The following KAZN variants were observed in gnomAD, a reference collection of about 807,000 sequenced individuals.
KAZN encodes the protein kazrin.
In KAZN, 40 loss-of-function variants were observed where a neutral mutation model predicts 87.4. The ratio of observed to expected loss-of-function variants is 0.46; its 90% confidence interval spans 0.36 to 0.60. The LOEUF is 0.60. KAZN is among the 20% of genes least tolerant of loss of function. KAZN has a pLI of 0.00. For missense variants in KAZN, 898 were observed against 1,073.9 expected, an observed-to-expected ratio of 0.84 and a Z score of 2.29; for synonymous variants, 466 against 458.3, an observed-to-expected ratio of 1.02 and a Z score of -0.22.
chr1:14,089,330 C>T (rs527873760), intron 1 of KAZN, among the ~76,000 whole-genome samples: 21 of 152,104 alleles, frequency 1.4e-4, no homozygotes, highest in African/African-American at 4.8e-4. Context: ...TACTGTTCTG[C>T]TATTCATTTC....
intron 1 of KAZN, among the ~76,000 whole-genome samples, chr1:14,914,888 G>A (rs1237325849): frequency 2.3e-5 from 2 of 86,020 alleles, no homozygotes; most frequent in African/African-American, 3.4e-5. Context: ...GTACTTCTGG[G>A]GATGAAAATG....
At chr1:14,342,795 C>T (rs940697274) in intron 2 of KAZN, among the ~76,000 whole-genome samples, 1 of 152,184 alleles carries the variant, frequency 6.6e-6, no homozygotes, top group Non-Finnish European at 1.5e-5. Flanking sequence ...TCTGAGGGAG[C>T]TGCACTTGTC....
chr1:13,906,263 C>T (rs1639432195), intron 1 of KAZN, among the ~76,000 whole-genome samples: 1 of 152,130 alleles, frequency 6.6e-6, no homozygotes, highest in South Asian at 2.1e-4. Context: ...TCTAAGGATG[C>T]CTATTGTATT....
intron 1 of KAZN, among the ~76,000 whole-genome samples, chr1:14,644,457 GT>G (rs1402511384): frequency 6.6e-6 from 1 of 151,074 alleles, no homozygotes; most frequent in Non-Finnish European, 1.5e-5. Context: ...CGCCTACCAG[GT>G]TCACGCCATG....
chr1:14,530,621 CCT>C (rs141114968), intron 2 of KAZN, among the ~76,000 whole-genome samples: 16 of 150,180 alleles, frequency 1.1e-4, no homozygotes, highest in Non-Finnish European at 1.0e-4. Flanking sequence ...GGCACCTCCT[CCT>C]CTCTCTCTCT....
intron 1 of KAZN, among the ~76,000 whole-genome samples, chr1:14,826,872 C>A (rs764388732): frequency 6.6e-6 from 1 of 152,150 alleles, no homozygotes; most frequent in Non-Finnish European, 1.5e-5. Flanking sequence ...GTTGGTGCAG[C>A]GAAAAGAATG....
chr1:13,973,903 C>A (rs1197657882), intron 1 of KAZN, among the ~76,000 whole-genome samples: 1 of 152,192 alleles, frequency 6.6e-6, no homozygotes, highest in African/African-American at 2.4e-5. Flanking sequence ...CCACGACCAC[C>A]CACAGGTCTG....
At chr1:14,626,410 A>C (rs1679142368) in intron 1 of KAZN, among the ~76,000 whole-genome samples, 1 of 152,236 alleles carries the variant, frequency 6.6e-6, no homozygotes, top group Admixed American at 6.5e-5. Flanking sequence ...CATTGTGTGC[A>C]CAGATTCTTA....
intron 1 of KAZN, among the ~76,000 whole-genome samples, chr1:13,929,615 A>G (rs976137855): frequency 6.6e-6 from 1 of 152,210 alleles, no homozygotes; most frequent in Non-Finnish European, 1.5e-5. Flanking sequence ...CTCATGGTTA[A>G]TAAAGGGATC....
intron 2 of KAZN, among the ~76,000 whole-genome samples, chr1:14,962,856 A>G (rs966171841): frequency 3.9e-5 from 6 of 152,056 alleles, no homozygotes; most frequent in Non-Finnish European, 1.5e-5. Context: ...CGGCGGCGGG[A>G]GTTAAGCAGA....
chr1:14,228,709 C>T (rs1647522632), intron 2 of KAZN, among the ~76,000 whole-genome samples: 2 of 152,192 alleles, frequency 1.3e-5, no homozygotes, highest in Non-Finnish European at 2.9e-5. Context: ...AGAATAAAGG[C>T]AAAGACAGTT....
At chr1:14,596,302 G>A (rs937945273), upstream of KAZN, among the ~76,000 whole-genome samples, 1 of 81,092 alleles carries the variant, frequency 1.2e-5, no homozygotes, top group Admixed American at 1.2e-4. Flanking sequence ...GCACGCACAC[G>A]TGTGCGCACA....
chr1:14,502,442 A>C (rs1460468630), intron 2 of KAZN, among the ~76,000 whole-genome samples: 1 of 152,138 alleles, frequency 6.6e-6, no homozygotes, highest in Non-Finnish European at 1.5e-5. Context: ...ATTTAGAATT[A>C]AATTCTCAAT....
chr1:13,935,157 A>C (rs1640673757), intron 1 of KAZN, among the ~76,000 whole-genome samples: 4 of 151,694 alleles, frequency 2.6e-5, no homozygotes, highest in Admixed American at 2.6e-4. Flanking sequence ...GAATCGCATG[A>C]ACCCAGGAGG....
At chr1:14,489,264 CTATA>C (rs144016967) in intron 2 of KAZN, among the ~76,000 whole-genome samples, 22,558 of 151,994 alleles carry the variant, frequency 0.15, 2,061 homozygotes, top group East Asian at 0.41. Context: ...TTTTGGGACT[CTATA>C]TATCTATTAT....
In KAZN at chr1:15,066,668, G is replaced by A. The variant is rs558822350; in HGVS notation, c.1222+915G>A. ...AATATTGGAATGTCTATTTTTCCAT[G>A]GGGTGGGCGGGAGGTGGGTGTCTCT... On this transcript the variant is annotated intron_variant, in intron 8 of 14. Transcript: ENST00000376030. This position sits in a 1 kb window ranked among gnomAD's most constrained non-coding sequence, Gnocchi z 4.3. 1.3e-4 allele frequency: 125 copies of A among 985,174 alleles called. 1 individual carries two copies. In the African/African-American group the frequency reaches 1.9e-3, roughly 15 times the overall value. 61.0% of individuals were successfully genotyped at this position (985,174 alleles called of 1,614,324 possible).
At chr1:14,979,313 G>C (rs1386369927) in intron 2 of KAZN, among the ~76,000 whole-genome samples, 1 of 151,922 alleles carries the variant, frequency 6.6e-6, no homozygotes, top group Non-Finnish European at 1.5e-5. Context: ...GGAGGCTGAG[G>C]CAGAAGAATT....
chr1:13,964,455 A>G (rs1375976668), intron 1 of KAZN, among the ~76,000 whole-genome samples: 1 of 152,210 alleles, frequency 6.6e-6, no homozygotes, highest in Non-Finnish European at 1.5e-5. Context: ...TAGTTCTGTG[A>G]GTCCGCAATA....
rs1031316765 is a variant in KAZN at position 15,056,642 on chromosome 1, C to T, written c.916+362C>T. ...TAAGAAAGAAAAACTATCTCTTTCC[C>T]CCTGTGTCCATAGCAAATCCCAAAG... is the stretch of plus-strand genomic sequence containing the variant. On this transcript the variant is annotated intron_variant, in intron 5 of 14. Coordinates refer to ENST00000376030, the MANE Select transcript of KAZN (RefSeq NM_201628.3). This position sits in a 1 kb window ranked among gnomAD's most constrained non-coding sequence, Gnocchi z 5.4. 2.6e-5 allele frequency among the ~76,000 whole-genome samples: 4 copies of T among 152,188 alleles called. No individual in the cohort carries two copies. Among genetic ancestry groups the T allele is most frequent in the Non-Finnish European group, 4.4e-5 (3 of 68,038 alleles).
Sources: gnomAD v4.1 joint callset for allele counts (sites outside exome capture counted in the v4.1 genomes callset) on GRCh38, gnomAD v4.1.1 for gene constraint, Gnocchi (gnomAD v3.1) non-coding constraint, MANE v1.5 for transcripts, NCBI Gene and HGNC (gene_info 2026-07-23, HGNC 2026-07-21) for gene names.